PLEKHG1: variants seen among roughly 807,000 people sequenced by gnomAD.
The protein encoded by PLEKHG1 is pleckstrin homology domain-containing family G member 1.
Under a neutral mutation model 100.8 loss-of-function variants are expected in PLEKHG1, and 44 were observed. The observed-to-expected ratio is 0.44, with a 90% CI of 0.34 to 0.56. The LOEUF (loss-of-function observed/expected upper bound fraction) is 0.56, where lower values mean the gene tolerates loss of function less well. Among genes scored for constraint, PLEKHG1 ranks in the 20% least tolerant of loss-of-function variants. The pLI, the probability that PLEKHG1 is intolerant of heterozygous loss-of-function variation, is 0.01. For synonymous variants in PLEKHG1, 640 were observed against 662.5 expected (o/e 0.97, Z 0.52); for missense variants, 1,545 against 1,720.9 (o/e 0.90, Z 1.81).
chr6:150,702,977 A>G (rs1780860129), intron 3 of PLEKHG1, among the ~76,000 whole-genome samples: 1 of 152,046 alleles, frequency 6.6e-6, no homozygotes, highest in South Asian at 2.1e-4. Context: ...AGTGGTACCA[A>G]TGCTTCTCAT....
chr6:150,784,333 G>A lies in PLEKHG1; in HGVS notation c.513-2057G>A, dbSNP rs140858357. Among the ~76,000 whole-genome samples, 11 of 152,310 alleles carry A rather than the reference G, an allele frequency of 7.2e-5. No homozygotes were observed. The East Asian group carries it at 1.9e-3, about 27-fold the overall frequency. On this transcript the variant is annotated intron_variant, in intron 3 of 15. Coordinates refer to ENST00000358517, the Ensembl canonical transcript of PLEKHG1. ...GAATGATACTGGAATCTCAATAGCA[G>A]CATTGGAATCTATAAATCACAGGTA... is the stretch of plus-strand genomic sequence containing the variant.
chr6:150,811,215 C>A (rs13220388), intron 10 of PLEKHG1, among the ~76,000 whole-genome samples: 4 of 151,604 alleles, frequency 2.6e-5, no homozygotes, highest in Non-Finnish European at 4.4e-5. Context: ...TGTTCAATTG[C>A]GTTGAGTGGA....
chr6:150,762,338 C>T (rs1205865997), intron 2 of PLEKHG1, among the ~76,000 whole-genome samples: 5 of 150,472 alleles, frequency 3.3e-5, no homozygotes, highest in Admixed American at 2.0e-4. Context: ...TACAGGTGCC[C>T]GCCACCAAGC....
chr6:150,806,530 T>A (rs1583167953), intron 7 of PLEKHG1, among the ~76,000 whole-genome samples: 1 of 151,666 alleles, frequency 6.6e-6, no homozygotes, highest in South Asian at 2.1e-4. Context: ...ACTGAAAATA[T>A]AAAAAATTAG....
intron 1 of PLEKHG1, among the ~76,000 whole-genome samples, chr6:150,608,491 A>G (rs980820027): frequency 2.0e-5 from 3 of 152,232 alleles, no homozygotes; most frequent in Admixed American, 2.0e-4. Flanking sequence ...GTACTGGCTA[A>G]AGTCATAACA....
intron 3 of PLEKHG1, among the ~76,000 whole-genome samples, chr6:150,689,355 G>A (rs1780257294): frequency 6.6e-6 from 1 of 152,084 alleles, no homozygotes; most frequent in Non-Finnish European, 1.5e-5. Flanking sequence ...TTATATTTAA[G>A]TTATTTAAAT....
exon 16 of PLEKHG1, chr6:150,841,815 G>C (rs112953327): frequency 2.0e-5 from 3 of 152,190 alleles, no homozygotes; most frequent in Non-Finnish European, 2.9e-5. Context: ...ATCAGACAAA[G>C]CACTTTAAAT....
chr6:150,678,128 G>A (rs997184432), intron 3 of PLEKHG1, among the ~76,000 whole-genome samples: 1 of 132,104 alleles, frequency 7.6e-6, no homozygotes, highest in African/African-American at 2.9e-5. Context: ...AAATCAGGCT[G>A]TTCTTTGTGG....
At chr6:150,834,576 C>T (rs1402628195) in intron 15 of PLEKHG1, among the ~76,000 whole-genome samples, 6 of 152,190 alleles carry the variant, frequency 3.9e-5, no homozygotes, top group South Asian at 2.1e-4. Flanking sequence ...TTAGGGCCTA[C>T]GACTACCTCG....
intron 1 of PLEKHG1, among the ~76,000 whole-genome samples, chr6:150,609,512 G>T (rs1399838556): frequency 1.3e-5 from 2 of 152,166 alleles, no homozygotes; most frequent in African/African-American, 4.8e-5. Context: ...GTGTGTGTGT[G>T]TGGAGGAGGA....
At chr6:150,694,454 C>T (rs900084323) in intron 3 of PLEKHG1, among the ~76,000 whole-genome samples, 2 of 151,910 alleles carry the variant, frequency 1.3e-5, no homozygotes, top group South Asian at 2.1e-4. Context: ...AATCCCAGCA[C>T]TTTGGGAGGC....
chr6:150,796,438 A>T (rs1786337749), intron 5 of PLEKHG1, among the ~76,000 whole-genome samples: 1 of 152,188 alleles, frequency 6.6e-6, no homozygotes, highest in Non-Finnish European at 1.5e-5. Context: ...CTTGCATTGG[A>T]AATCAATGGC....
chr6:150,751,259 A>G (rs563305105), intron 2 of PLEKHG1, among the ~76,000 whole-genome samples: 1 of 127,522 alleles, frequency 7.8e-6, no homozygotes, highest in Admixed American at 9.3e-5. Flanking sequence ...GAGGGCTGCA[A>G]TGGTGGAATG....
chr6:150,833,615 A>T (rs190906077), intron 15 of PLEKHG1, among the ~76,000 whole-genome samples: 36 of 152,226 alleles, frequency 2.4e-4, no homozygotes, highest in Non-Finnish European at 4.4e-4. Context: ...TCATAGAAAG[A>T]AAAGTCCAAA....
chr6:150,788,006 A>G (rs1213455937), intron 4 of PLEKHG1, among the ~76,000 whole-genome samples: 1 of 152,272 alleles, frequency 6.6e-6, no homozygotes, highest in Non-Finnish European at 1.5e-5. Context: ...TAACCACAGC[A>G]CATAAACAAC....
intron 2 of PLEKHG1, among the ~76,000 whole-genome samples, chr6:150,766,365 G>A (rs1262877712): frequency 1.3e-5 from 2 of 152,158 alleles, no homozygotes; most frequent in Non-Finnish European, 2.9e-5. Flanking sequence ...CTGTCATTTC[G>A]GGCGCAGAAT....
intron 3 of PLEKHG1, among the ~76,000 whole-genome samples, chr6:150,676,413 T>C (rs1267822076): frequency 1.3e-5 from 2 of 152,150 alleles, no homozygotes; most frequent in Non-Finnish European, 2.9e-5. Context: ...AAGTCAAAAA[T>C]CAACAAGGGA....
chr6:150,766,154 T>G (rs893171843), intron 2 of PLEKHG1, among the ~76,000 whole-genome samples: 42 of 152,236 alleles, frequency 2.8e-4, no homozygotes, highest in African/African-American at 9.9e-4. Context: ...AGCCCTTTTT[T>G]GTGTGTACTC....
At chr6:150,601,032 T>C (rs571408944) in intron 1 of PLEKHG1, 1 of 152,130 alleles carries the variant, frequency 6.6e-6, no homozygotes, top group South Asian at 2.1e-4. Context: ...AGACTGAGAG[T>C]TGGTTTAGGA....
Sources: allele counts gnomAD v4.1 joint callset (sites outside exome capture counted in the v4.1 genomes callset), GRCh38; gene constraint gnomAD v4.1.1; transcripts MANE v1.5; gene names NCBI Gene and HGNC (gene_info 2026-07-23, HGNC 2026-07-21).